The following ANKRD27 variants were observed in gnomAD, a reference collection of about 807,000 sequenced individuals.
ANKRD27 encodes the protein ankyrin repeat domain 27.
A neutral mutation model predicts 129.7 loss-of-function variants in ANKRD27; 112 were observed. The observed-to-expected ratio is 0.86, with a 90% CI of 0.74 to 1.01. ANKRD27 has a LOEUF of 1.01. ANKRD27 is among the 50% of genes least tolerant of loss of function. The probability of loss-of-function intolerance (pLI) is 0.00; values close to 1 mark genes in which losing one functional copy is unlikely to be tolerated. For synonymous variants in ANKRD27, 516 were observed against 511.2 expected (o/e 1.01, Z -0.13); for missense variants, 1,258 against 1,300.5 (o/e 0.97, Z 0.50).
At chr19:32,633,319 G>GT (rs951676940) in intron 12 of ANKRD27, among the ~76,000 whole-genome samples, 3 of 141,874 alleles carry the variant, frequency 2.1e-5, no homozygotes, top group Admixed American at 7.6e-5. Flanking sequence ...GTTCTTTCTT[G>GT]TTTTTTTATC....
intron 20 of ANKRD27, 102 bp from the exon 21 acceptor site, chr19:32,617,735 C>A: frequency 8.4e-6 from 4 of 473,476 alleles, no homozygotes; most frequent in Admixed American, 3.6e-5. Context: ...GATTTGTGGA[C>A]TTTTAACGTC....
Position 32,623,551 on chromosome 19 carries a change from GTTTTTTT to G in ANKRD27, c.1630-939_1630-933del, listed in dbSNP as rs575591637. ...GTGGGTCCATGAAAAGAGACCTGTT[GTTTTTTT>G]TTTTTTTTTGAGACACAGTCTCGCT... is the stretch of plus-strand genomic sequence containing the variant. On this transcript the variant is annotated intron_variant, in intron 17 of 28. Coordinates refer to ENST00000306065, the MANE Select transcript of ANKRD27 (RefSeq NM_032139.3). Among the ~76,000 whole-genome samples the G allele has an allele frequency of 1.2e-3, 167 of 135,712 alleles. 1 individual carries two copies. Among genetic ancestry groups the G allele is most frequent in the Non-Finnish European group, 1.9e-3 (116 of 62,362 alleles). The allele number at this position is 135,712 out of a possible 152,430, so 89.0% of individuals were successfully genotyped here.
At chr19:32,650,461 C>T (rs1409222073) in intron 2 of ANKRD27, among the ~76,000 whole-genome samples, 1 of 152,030 alleles carries the variant, frequency 6.6e-6, no homozygotes, top group Non-Finnish European at 1.5e-5. Flanking sequence ...CTGAGGCAGG[C>T]AGATCACTTG....
chr19:32,613,298 G>A (rs1971860629), intron 22 of ANKRD27, among the ~76,000 whole-genome samples: 1 of 152,182 alleles, frequency 6.6e-6, no homozygotes, highest in Non-Finnish European at 1.5e-5. Flanking sequence ...AGGACGAGGA[G>A]GAACTGGATC....
intron 23 of ANKRD27, 148 bp from the exon 24 acceptor site, chr19:32,606,102 C>T (rs1219691166): frequency 8.0e-6 from 5 of 626,784 alleles, no homozygotes; most frequent in Admixed American, 4.0e-5. Flanking sequence ...ATTCTTTTGA[C>T]TTGTCTCTGA....
chr19:32,610,223 T>C (rs1427866601), intron 22 of ANKRD27, among the ~76,000 whole-genome samples: 1 of 151,906 alleles, frequency 6.6e-6, no homozygotes, highest in Non-Finnish European at 1.5e-5. Flanking sequence ...GGTAGGAGAA[T>C]TGCTTGAACC....
chr19:32,639,836 G>A lies in ANKRD27; in HGVS notation c.984-348C>T, dbSNP rs547692024. On this transcript the variant is annotated intron_variant, in intron 11 of 28. Transcript: ENST00000306065. ...AGAACAAGAAATGTAAGCTCTCCGG[G>A]CCTTGGTTTCCCCATCTGTAAGTGG... 6.2e-4 allele frequency among the ~76,000 whole-genome samples: 95 copies of A among 152,336 alleles called. 1 individual carries two copies. The highest frequency in any genetic ancestry group is 5.5e-3 in the Admixed American group (84 of 15,308).
chr19:32,599,124 AC>A (rs1318266858), intron 28 of ANKRD27, among the ~76,000 whole-genome samples: 3 of 152,186 alleles, frequency 2.0e-5, no homozygotes, highest in African/African-American at 7.2e-5. Context: ...TACTAAAAAT[AC>A]AAAAAAATTA....
intron 20 of ANKRD27, 123 bp from the exon 21 acceptor site, chr19:32,617,756 T>A: frequency 1.1e-5 from 4 of 363,410 alleles, no homozygotes; most frequent in South Asian, 4.5e-5. Flanking sequence ...TGATTTAGTT[T>A]TTTTTTTTTT....
At chr19:32,639,017 G>A (rs1967143472) in intron 12 of ANKRD27, 1 of 418,354 alleles carries the variant, frequency 2.4e-6, no homozygotes, top group Non-Finnish European at 4.2e-6. Context: ...ACAGTCCAGG[G>A]ATCCCGTGAC....
At chr19:32,620,597 A>G (rs1361179944) in intron 18 of ANKRD27, among the ~76,000 whole-genome samples, 1 of 151,330 alleles carries the variant, frequency 6.6e-6, no homozygotes. Flanking sequence ...AATAAAAAAG[A>G]AAGATGAAAG....
intron 2 of ANKRD27, among the ~76,000 whole-genome samples, chr19:32,650,489 C>T (rs532476305): frequency 3.2e-4 from 49 of 152,088 alleles, no homozygotes; most frequent in Non-Finnish European, 5.7e-4. Context: ...CAGTTTGAGA[C>T]CAGCCTGGTC....
At chr19:32,631,121 C>T (rs1025021591) in intron 13 of ANKRD27, among the ~76,000 whole-genome samples, 9 of 152,090 alleles carry the variant, frequency 5.9e-5, no homozygotes, top group East Asian at 3.9e-4. Context: ...TGGGTTCGAA[C>T]GATTCTCCTG....
In ANKRD27 at chr19:32,640,376, T is replaced by C. The variant is rs1261216925; in HGVS notation, c.914A>G (p.Glu305Gly). 7 of 1,613,788 alleles carry C rather than the reference T, an allele frequency of 4.3e-6. No individual in the cohort carries two copies. Among genetic ancestry groups the C allele is most frequent in the Non-Finnish European group, 5.9e-6 (7 of 1,179,822 alleles). Reference sequence around the variant, plus strand: ...TAGCAGATCATCAGCACACATGGTCTCCAGGTTCACTGCAAAGGGGAAACA... The same window carrying C: ...TAGCAGATCATCAGCACACATGGTCCCCAGGTTCACTGCAAAGGGGAAACA... ...TQSPSQRVNLETMCADDLLSV... is the reference protein window; with the variant it reads ...TQSPSQRVNLGTMCADDLLSV... The change falls in exon 11 of 29, where the codon GAG becomes GGG. Residue 305 changes from glutamate (E) to glycine (G), a missense_variant. Coordinates refer to ENST00000306065, the MANE Select transcript of ANKRD27 (RefSeq NM_032139.3).
intron 3 of ANKRD27, among the ~76,000 whole-genome samples, chr19:32,648,549 C>T (rs1274582014): frequency 6.6e-6 from 1 of 152,140 alleles, no homozygotes; most frequent in Non-Finnish European, 1.5e-5. Flanking sequence ...GCCTGTAATC[C>T]CAGCACTTTG....
At position 32,605,679 on chromosome 19, in the gene ANKRD27, G is replaced by A. The variant is rs140180983; in HGVS notation, c.2493+156C>T. Among the ~76,000 whole-genome samples, 701 of 152,304 alleles carry A rather than the reference G, an allele frequency of 4.6e-3. 5 individuals are homozygous for A. Among genetic ancestry groups the A allele is most frequent in the African/African-American group, 0.012 (511 of 41,568 alleles). On this transcript the variant is annotated intron_variant, in intron 24 of 28. Transcript: ENST00000306065. ...CCATCTGTTCCCATCGGAGAACCCC[G>A]TGTGGGAAGACGCACGCCCTGCTCC...
chr19:32,626,477 A>C (rs988326368), intron 16 of ANKRD27, among the ~76,000 whole-genome samples: 1 of 151,038 alleles, frequency 6.6e-6, no homozygotes, highest in Non-Finnish European at 1.5e-5. Context: ...TCTGGCCAGG[A>C]AGTTTCAAAT....
intron 18 of ANKRD27, among the ~76,000 whole-genome samples, chr19:32,621,861 G>C (rs541511769): frequency 6.6e-6 from 1 of 152,108 alleles, no homozygotes; most frequent in Non-Finnish European, 1.5e-5. Context: ...GCCGGGAGAC[G>C]AGAGTGCAGA....
At chr19:32,661,912 C>G (rs1254269934) in intron 1 of ANKRD27, among the ~76,000 whole-genome samples, 2 of 152,184 alleles carry the variant, frequency 1.3e-5, no homozygotes, top group Admixed American at 6.5e-5. Context: ...GGATTTGCCA[C>G]TCTTTGCTTT....
Sources: gnomAD v4.1 joint callset for allele counts (sites outside exome capture counted in the v4.1 genomes callset) on GRCh38, gnomAD v4.1.1 for gene constraint, MANE v1.5 for transcripts, NCBI Gene and HGNC (gene_info 2026-07-23, HGNC 2026-07-21) for gene names.